The following SMAD1 variants were observed in gnomAD, a reference collection of about 807,000 sequenced individuals.
The protein encoded by SMAD1 is SMAD family member 1.
SMAD1 carries 6 observed loss-of-function variants against 41.6 expected under a neutral mutation model. The ratio of observed to expected loss-of-function variants is 0.14; its 90% CI spans 0.08 to 0.28. The LOEUF is 0.28. Among genes scored for constraint, SMAD1 ranks in the 10% least tolerant of loss-of-function variants. SMAD1 has a pLI of 1.00. For missense variants in SMAD1, 379 were observed against 582.6 expected, an observed-to-expected ratio of 0.65 and a Z score of 3.60; for synonymous variants, 206 against 203.2, an observed-to-expected ratio of 1.01 and a Z score of -0.12.
chr4:145,483,912 G>A (rs1728331625), intron 1 of SMAD1, among the ~76,000 whole-genome samples: 1 of 152,144 alleles, frequency 6.6e-6, no homozygotes, highest in African/African-American at 2.4e-5. Context: ...GATGACCTTT[G>A]TGTTTTAGAG....
At position 145,558,517 on chromosome 4, in the gene SMAD1, A is replaced by G. The variant is rs1732970104; in HGVS notation, c.*583A>G. Among the ~76,000 whole-genome samples, 1 of 152,212 alleles carries G rather than the reference A, an allele frequency of 6.6e-6. No individual in the cohort carries two copies. Among genetic ancestry groups the G allele is most frequent in the Admixed American group, 6.5e-5 (1 of 15,286 alleles). On this transcript the variant is annotated 3_prime_UTR_variant, in exon 7 of 7. Coordinates refer to ENST00000302085, the MANE Select transcript of SMAD1 (RefSeq NM_005900.3). Reference sequence around the variant, plus strand: ...TTGCTGTCAGAATAATGCTAGGCATATGCTTTTTGCTAAATATGTATGTAC... The same window carrying G: ...TTGCTGTCAGAATAATGCTAGGCATGTGCTTTTTGCTAAATATGTATGTAC...
chr4:145,515,014 G>T lies in SMAD1; in HGVS notation c.400+1G>T. 6.3e-7 allele frequency: 1 copy of T among 1,594,848 alleles called. No homozygotes were observed. Among genetic ancestry groups the T allele is most frequent in the Non-Finnish European group, 8.6e-7 (1 of 1,168,676 alleles). ...CACTATAAGAGAGTAGAAAGCCCTG[G>T]TAAGTGAGTTATTTTATGTTGATGT... On this transcript the variant is annotated splice_donor_variant, in intron 2 of 6. Coordinates refer to ENST00000302085, the MANE Select transcript of SMAD1 (RefSeq NM_005900.3). LOFTEE classifies it high-confidence loss of function.
chr4:145,519,155 G>T (rs1730588831), intron 2 of SMAD1, among the ~76,000 whole-genome samples: 1 of 102,826 alleles, frequency 9.7e-6, no homozygotes, highest in Non-Finnish European at 2.4e-5. Flanking sequence ...GAGTGCAGTG[G>T]CATGATCTCG....
intron 1 of SMAD1, among the ~76,000 whole-genome samples, chr4:145,498,891 C>T (rs572095476): frequency 6.6e-6 from 1 of 152,106 alleles, no homozygotes; most frequent in Non-Finnish European, 1.5e-5. Context: ...ATTTAGAACA[C>T]GAATATACTT....
chr4:145,525,947 T>C (rs1730995163), intron 2 of SMAD1: 1 of 152,246 alleles, frequency 6.6e-6, no homozygotes, highest in African/African-American at 2.4e-5. Flanking sequence ...GTTCATGCTC[T>C]GGAATCTTAG....
At chr4:145,516,474 A>G (rs1397804505) in intron 2 of SMAD1, among the ~76,000 whole-genome samples, 1 of 152,154 alleles carries the variant, frequency 6.6e-6, no homozygotes, top group Non-Finnish European at 1.5e-5. Flanking sequence ...AAGTTTCTCC[A>G]TACAGCTCCT....
chr4:145,501,981 G>A (rs893270119), intron 1 of SMAD1, among the ~76,000 whole-genome samples: 3 of 152,130 alleles, frequency 2.0e-5, no homozygotes, highest in Admixed American at 1.3e-4. Flanking sequence ...AGCTACTGAC[G>A]AATCATTCAT....
At chr4:145,536,066 T>C (rs1731596190) in intron 2 of SMAD1, among the ~76,000 whole-genome samples, 2 of 152,054 alleles carry the variant, frequency 1.3e-5, no homozygotes, top group South Asian at 2.1e-4. Context: ...ATTTTTTCAG[T>C]GTATCGTAGA....
intron 1 of SMAD1, among the ~76,000 whole-genome samples, chr4:145,506,001 G>T (rs559837622): frequency 6.1e-4 from 93 of 151,966 alleles, no homozygotes; most frequent in African/African-American, 2.2e-3. Flanking sequence ...ACACCACTAT[G>T]CCCGGCTTAT....
In SMAD1 at chr4:145,550,695, C is replaced by CGA. The variant is rs775346448; in HGVS notation, c.998-3089_998-3088insGA. 4.6e-5 allele frequency among the ~76,000 whole-genome samples: 7 copies of CGA among 152,242 alleles called. No individual in the cohort carries two copies. The South Asian group carries it at 1.5e-3, about 32-fold the overall frequency. On this transcript the variant is annotated intron_variant, in intron 5 of 6. Transcript: ENST00000302085. ...ATTTATCTAGAAACCTCCAAAGAAT[C>CGA]TATCTTTTAAAAATTATGTAAGTCA...
At chr4:145,548,080 A>G (rs999399342) in intron 5 of SMAD1, among the ~76,000 whole-genome samples, 5 of 152,276 alleles carry the variant, frequency 3.3e-5, no homozygotes, top group South Asian at 2.1e-4. Flanking sequence ...TGTGGCAGAA[A>G]GTAAAGAAGT....
At chr4:145,505,611 T>C (rs1729726126) in intron 1 of SMAD1, among the ~76,000 whole-genome samples, 1 of 135,802 alleles carries the variant, frequency 7.4e-6, no homozygotes. Flanking sequence ...AGAGCAAGAC[T>C]CTGTCAAAAA....
At chr4:145,491,251 A>T (rs1462794826) in intron 1 of SMAD1, among the ~76,000 whole-genome samples, 1 of 152,240 alleles carries the variant, frequency 6.6e-6, no homozygotes, top group Admixed American at 6.5e-5. Context: ...AGTGGACGTG[A>T]ACAAGCATTT....
intron 2 of SMAD1, among the ~76,000 whole-genome samples, chr4:145,522,242 T>C (rs914316956): frequency 1.3e-5 from 2 of 151,744 alleles, no homozygotes; most frequent in Non-Finnish European, 2.9e-5. Context: ...GAGCTTGCAG[T>C]GAGCCGGGAT....
At chr4:145,490,771 T>G (rs1040719029) in intron 1 of SMAD1, among the ~76,000 whole-genome samples, 1 of 152,274 alleles carries the variant, frequency 6.6e-6, no homozygotes, top group African/African-American at 2.4e-5. Flanking sequence ...TAGATAAAGG[T>G]TTCTAAGAAA....
intron 4 of SMAD1, chr4:145,546,420 T>C (rs1732255759): frequency 4.8e-6 from 2 of 414,812 alleles, no homozygotes; most frequent in Admixed American, 3.6e-5. Context: ...ATATTGTTAA[T>C]ATTCAGCAAA....
In SMAD1 at chr4:145,504,505, A is replaced by G. The variant is rs185614328; in HGVS notation, c.-176-9933A>G. 2.2e-4 allele frequency among the ~76,000 whole-genome samples: 34 copies of G among 152,286 alleles called. 1 individual carries two copies. The highest frequency in any genetic ancestry group is 6.5e-4 in the Admixed American group (10 of 15,304). ...TGCTTTTTGTTAGGAACCATTTACA[A>G]TTCCTACTGTCTGCTACTTATCGTT... On this transcript the variant is annotated intron_variant, in intron 1 of 6. Transcript: ENST00000302085.
chr4:145,508,688 T>C (rs570503817), intron 1 of SMAD1, among the ~76,000 whole-genome samples: 1 of 152,300 alleles, frequency 6.6e-6, no homozygotes, highest in East Asian at 1.9e-4. Context: ...TTATATATTA[T>C]TGTCTTAGTT....
chr4:145,504,178 T>G (rs1327917709), intron 1 of SMAD1, among the ~76,000 whole-genome samples: 1 of 152,236 alleles, frequency 6.6e-6, no homozygotes, highest in African/African-American at 2.4e-5. Context: ...ATCGTTTCAC[T>G]TAGAGCCACA....
Sources: gnomAD v4.1 joint callset for allele counts (sites outside exome capture counted in the v4.1 genomes callset) on GRCh38, gnomAD v4.1.1 for gene constraint, MANE v1.5 for transcripts, NCBI Gene and HGNC (gene_info 2026-07-23, HGNC 2026-07-21) for gene names.